FAM135A: variants seen among roughly 807,000 people sequenced by gnomAD.
FAM135A encodes the protein family with sequence similarity 135 member A.
A neutral mutation model predicts 146.8 loss-of-function variants in FAM135A; 79 were observed. The observed-to-expected ratio is 0.54, with a 90% confidence interval of 0.45 to 0.65. The LOEUF is 0.65. FAM135A is among the 30% of genes least tolerant of loss of function. The probability of loss-of-function intolerance (pLI) is 0.00; values close to 1 mark genes in which losing one functional copy is unlikely to be tolerated. For missense variants in FAM135A, 1,623 were observed against 1,758.2 expected, an observed-to-expected ratio of 0.92 and a Z score of 1.38; for synonymous variants, 562 against 603.6, an observed-to-expected ratio of 0.93 and a Z score of 1.01.
chr6:70,460,217 C>T (rs1002309260), intron 5 of FAM135A, among the ~76,000 whole-genome samples: 8 of 152,180 alleles, frequency 5.3e-5, no homozygotes, highest in African/African-American at 1.7e-4. Flanking sequence ...CTCGTTCCCT[C>T]TCCCCCAACC....
chr6:70,502,163 A>G (rs980834407), intron 11 of FAM135A, among the ~76,000 whole-genome samples: 4 of 152,210 alleles, frequency 2.6e-5, no homozygotes, highest in African/African-American at 7.2e-5. Context: ...GAAAAGGACT[A>G]TTTCAGAAAG....
chr6:70,507,511 G>T (rs554905634), intron 12 of FAM135A, among the ~76,000 whole-genome samples: 1 of 152,152 alleles, frequency 6.6e-6, no homozygotes, highest in Non-Finnish European at 1.5e-5. Context: ...CTCCTTATTG[G>T]TGTGAAAGCA....
intron 5 of FAM135A, among the ~76,000 whole-genome samples, chr6:70,461,460 T>C (rs1033304873): frequency 6.6e-6 from 1 of 152,084 alleles, no homozygotes; most frequent in Non-Finnish European, 1.5e-5. Context: ...TGAACCATTT[T>C]ATGTAAAGAA....
At chr6:70,450,154 ATTAGTTCC>A (rs1314512572) in intron 4 of FAM135A, among the ~76,000 whole-genome samples, 2 of 152,086 alleles carry the variant, frequency 1.3e-5, no homozygotes, top group Non-Finnish European at 2.9e-5. Flanking sequence ...TATTTTGGAT[ATTAGTTCC>A]TTATCAGATG....
Position 70,556,349 on chromosome 6 carries a change from G to A in FAM135A, c.4229-401G>A, listed in dbSNP as rs185692936. ...AAAAGCTTTAAATGATGTACTGTGA[G>A]GTGTTTTGTTTGTTTTAATGGAAGA... On this transcript the variant is annotated intron_variant, in intron 20 of 21. Transcript: ENST00000418814. 4.8e-3 allele frequency among the ~76,000 whole-genome samples: 726 copies of A among 152,256 alleles called. 8 individuals are homozygous for A. The highest frequency in any genetic ancestry group is 4.8e-3 in the Non-Finnish European group (325 of 68,018).
intron 10 of FAM135A, among the ~76,000 whole-genome samples, chr6:70,489,475 T>C (rs1785425150): frequency 6.6e-6 from 1 of 152,316 alleles, no homozygotes; most frequent in East Asian, 1.9e-4. Context: ...TTGTTGTTTA[T>C]GTTACCGGGT....
At chr6:70,549,476 C>T (rs564099616) in intron 20 of FAM135A, among the ~76,000 whole-genome samples, 2 of 151,966 alleles carry the variant, frequency 1.3e-5, no homozygotes, top group East Asian at 3.9e-4. Flanking sequence ...TACAGACATG[C>T]CTTGGAGATA....
chr6:70,477,395 A>T, intron 8 of FAM135A, 63 bp downstream of exon 8: 1 of 1,504,156 alleles, frequency 6.6e-7, no homozygotes, highest in Non-Finnish European at 9.0e-7. Context: ...AATACCTGAG[A>T]CTGGTCAATT....
intron 10 of FAM135A, among the ~76,000 whole-genome samples, chr6:70,489,993 G>T (rs931212144): frequency 6.6e-6 from 1 of 152,104 alleles, no homozygotes; most frequent in Non-Finnish European, 1.5e-5. Context: ...TTGCCTGCTC[G>T]TATCTGGCCG....
chr6:70,464,718 G>A (rs1162226130), intron 5 of FAM135A, among the ~76,000 whole-genome samples: 4 of 140,846 alleles, frequency 2.8e-5, no homozygotes, highest in South Asian at 2.2e-4. Context: ...GGCCGAAGTG[G>A]TGCAGTGGTG....
At chr6:70,428,485 T>G in intron 4 of FAM135A, 66 bp downstream of exon 4, 3 of 1,052,072 alleles carry the variant, frequency 2.9e-6, no homozygotes, top group Non-Finnish European at 4.0e-6. Context: ...TAAATTTAAT[T>G]ACATATTTTT....
intron 5 of FAM135A, among the ~76,000 whole-genome samples, chr6:70,463,544 G>A (rs1204722542): frequency 6.6e-6 from 1 of 151,968 alleles, no homozygotes; most frequent in Admixed American, 6.6e-5. Context: ...ACAGGTATGA[G>A]CCACCACTCC....
At chr6:70,471,091 G>A (rs1029566490) in intron 5 of FAM135A, among the ~76,000 whole-genome samples, 4 of 152,152 alleles carry the variant, frequency 2.6e-5, no homozygotes, top group Non-Finnish European at 4.4e-5. Context: ...TGAAATTAAC[G>A]GTCATGAATT....
chr6:70,447,687 G>A (rs1776087637), intron 4 of FAM135A, among the ~76,000 whole-genome samples: 1 of 152,170 alleles, frequency 6.6e-6, no homozygotes, highest in Admixed American at 6.5e-5. Flanking sequence ...CCCGAAATCG[G>A]GTTCCCATCG....
intron 7 of FAM135A, among the ~76,000 whole-genome samples, 192 bp from the exon 8 acceptor site, chr6:70,476,966 TG>T (rs1782731335): frequency 6.6e-6 from 1 of 152,028 alleles, no homozygotes; most frequent in South Asian, 2.1e-4. Context: ...CAATAATAGG[TG>T]GGATCTGATT....
rs1159259772 is a variant in FAM135A at position 70,526,788 on chromosome 6, CACACACACACACACATAT to C, written c.3614+92_3614+109del. The C allele has an allele frequency of 1.5e-4, 114 of 752,832 alleles. 2 individuals are homozygous for C. In the African/African-American group the frequency reaches 1.5e-3, roughly 10 times the overall value. 46.6% of individuals were successfully genotyped at this position (752,832 alleles called of 1,614,324 possible). ...ACATACACACACACACACACACACA[CACACACACACACACATAT>C]ATATATAAAATCATAGATAGTGCTA... is the stretch of plus-strand genomic sequence containing the variant. On this transcript the variant is annotated intron_variant, in intron 15 of 21. Transcript: ENST00000418814.
intron 4 of FAM135A, among the ~76,000 whole-genome samples, chr6:70,449,063 T>A (rs1221664547): frequency 6.6e-6 from 1 of 152,230 alleles, no homozygotes; most frequent in Non-Finnish European, 1.5e-5. Flanking sequence ...GTTTCTTCCC[T>A]CAAAATGGTT....
Position 70,477,156 on chromosome 6 carries a change from C to T in FAM135A, c.369-3C>T. On this transcript the variant is annotated splice_polypyrimidine_tract_variant and splice_region_variant and intron_variant, in intron 7 of 21. Transcript: ENST00000418814. ...CTTACATGCTAAGTGTTCCTTTTTA[C>T]AGGGCAGATGATCTGAATGCCTTGC... 2 of 1,610,422 alleles carry T rather than the reference C, an allele frequency of 1.2e-6. No individual in the cohort carries two copies. The highest frequency in any genetic ancestry group is 2.2e-5 in the East Asian group (1 of 44,724).
chr6:70,485,549 T>G (rs889474765), intron 10 of FAM135A, among the ~76,000 whole-genome samples: 3 of 152,216 alleles, frequency 2.0e-5, no homozygotes, highest in African/African-American at 7.2e-5. Context: ...TTTTAATAAG[T>G]GGATACAGAG....
Sources: allele counts gnomAD v4.1 joint callset (sites outside exome capture counted in the v4.1 genomes callset), GRCh38; gene constraint gnomAD v4.1.1; transcripts MANE v1.5; gene names NCBI Gene and HGNC (gene_info 2026-07-23, HGNC 2026-07-21).